SLCO5A1: variants seen among roughly 807,000 people sequenced by gnomAD.
SLCO5A1 encodes the protein organic anion transporter polypeptide-related protein 4.
SLCO5A1 carries 39 observed loss-of-function variants against 65.1 expected under a neutral mutation model. The observed-to-expected ratio is 0.60, with a 90% CI of 0.46 to 0.78. The LOEUF is 0.78. Among genes scored for constraint, SLCO5A1 ranks in the 30% least tolerant of loss-of-function variants. The pLI is 0.00. For missense variants in SLCO5A1, 1,029 were observed against 1,069.4 expected, an observed-to-expected ratio of 0.96 and a Z score of 0.53; for synonymous variants, 438 against 415.7, an observed-to-expected ratio of 1.05 and a Z score of -0.65.
chr8:69,765,301 T>C (rs1479737760), intron 2 of SLCO5A1, among the ~76,000 whole-genome samples: 1 of 151,980 alleles, frequency 6.6e-6, no homozygotes, highest in East Asian at 1.9e-4. Context: ...TATATTGCAA[T>C]TATATATGTA....
chr8:69,774,133 T>C (rs1459356832), intron 2 of SLCO5A1, among the ~76,000 whole-genome samples: 2 of 152,222 alleles, frequency 1.3e-5, no homozygotes, highest in Non-Finnish European at 2.9e-5. Context: ...TAAGCCTTTA[T>C]TGAATGGAGA....
chr8:69,691,599 T>G (rs1814263457), intron 6 of SLCO5A1, among the ~76,000 whole-genome samples: 2 of 152,228 alleles, frequency 1.3e-5, no homozygotes, highest in Non-Finnish European at 2.9e-5. Context: ...TGTGACCAGC[T>G]TTTTTCACTC....
chr8:69,766,572 T>TGGCCACAC (rs1420296440), intron 2 of SLCO5A1, among the ~76,000 whole-genome samples: 1 of 152,150 alleles, frequency 6.6e-6, no homozygotes, highest in Non-Finnish European at 1.5e-5. Flanking sequence ...TTCTGCCACA[T>TGGCCACAC]GGCCACACGG....
intron 5 of SLCO5A1, among the ~76,000 whole-genome samples, chr8:69,715,877 G>T (rs1815501672): frequency 6.6e-6 from 1 of 152,032 alleles, no homozygotes; most frequent in Admixed American, 6.5e-5. Flanking sequence ...ACAGTTTAAT[G>T]TTTTTAGTAT....
intron 6 of SLCO5A1, among the ~76,000 whole-genome samples, chr8:69,689,817 T>G (rs1814166166): frequency 6.6e-6 from 1 of 151,940 alleles, no homozygotes; most frequent in Non-Finnish European, 1.5e-5. Context: ...GACTTGGTGA[T>G]GCGGGCTCTT....
intron 2 of SLCO5A1, among the ~76,000 whole-genome samples, chr8:69,826,832 A>G (rs1419114509): frequency 3.9e-5 from 6 of 152,160 alleles, no homozygotes; most frequent in African/African-American, 1.4e-4. Flanking sequence ...ATGCTGCTAT[A>G]AAGACACATG....
intron 2 of SLCO5A1, among the ~76,000 whole-genome samples, chr8:69,799,152 G>T (rs576717953): frequency 6.6e-6 from 1 of 152,164 alleles, no homozygotes; most frequent in African/African-American, 2.4e-5. Flanking sequence ...ATAATAACCT[G>T]TTTCAAGTCT....
chr8:69,773,319 A>G (rs949073510), intron 2 of SLCO5A1, among the ~76,000 whole-genome samples: 2 of 152,282 alleles, frequency 1.3e-5, no homozygotes, highest in Admixed American at 1.3e-4. Flanking sequence ...GTTGTTTCCC[A>G]GATGGCAGTA....
At chr8:69,715,008 A>G (rs1342108941) in intron 5 of SLCO5A1, 1 of 152,232 alleles carries the variant, frequency 6.6e-6, no homozygotes, top group Non-Finnish European at 1.5e-5. Context: ...AATAATGCAT[A>G]AAAGAGAATG....
rs114391176 is a variant in SLCO5A1, at chr8:69,807,257, C to T, written c.907+24510G>A. Among the ~76,000 whole-genome samples the T allele has an allele frequency of 9.3e-3, 1,408 of 152,100 alleles. 18 individuals carry two copies. The highest frequency in any genetic ancestry group is 0.031 in the African/African-American group (1,287 of 41,482). On this transcript the variant is annotated intron_variant, in intron 2 of 9. Transcript: ENST00000260126. ...TAATAATTGTATACATGTATGGGTACAATGTGATGTTTCAATGGATGTACA... is the reference window on the plus strand; with the variant it reads ...TAATAATTGTATACATGTATGGGTATAATGTGATGTTTCAATGGATGTACA...
At chr8:69,684,001 T>A (rs1414485322) in intron 6 of SLCO5A1, among the ~76,000 whole-genome samples, 1 of 152,222 alleles carries the variant, frequency 6.6e-6, no homozygotes, top group Non-Finnish European at 1.5e-5. Flanking sequence ...CCTTAAATTT[T>A]AATGGGGGAA....
chr8:69,741,401 T>A (rs1252701864), intron 4 of SLCO5A1, among the ~76,000 whole-genome samples: 1 of 152,218 alleles, frequency 6.6e-6, no homozygotes, highest in Non-Finnish European at 1.5e-5. Flanking sequence ...TATGTTGTAA[T>A]AGGAACCCAA....
intron 3 of SLCO5A1, among the ~76,000 whole-genome samples, chr8:69,757,645 C>T (rs1817588110): frequency 1.3e-5 from 2 of 152,184 alleles, no homozygotes; most frequent in African/African-American, 4.8e-5. Context: ...TGCCACTGCA[C>T]TCTAGCTTGG....
intron 5 of SLCO5A1, among the ~76,000 whole-genome samples, chr8:69,718,672 T>G (rs1366663948): frequency 6.6e-6 from 1 of 152,216 alleles, no homozygotes; most frequent in Non-Finnish European, 1.5e-5. Flanking sequence ...ATATGTAATT[T>G]TTAAAGTATA....
intron 2 of SLCO5A1, among the ~76,000 whole-genome samples, chr8:69,792,045 T>A (rs1819292427): frequency 6.6e-6 from 1 of 152,228 alleles, no homozygotes; most frequent in Non-Finnish European, 1.5e-5. Context: ...CATCTGCCAA[T>A]ATCCTAGCTA....
rs1303017029 is a variant in SLCO5A1, at chr8:69,673,278, C to T, written c.2138G>A (p.Cys713Tyr). ...ACCACATTCCTGTTGCCAGAGCATG[C>T]AGGTGGTGTCAATGACTGCTCCAAA... ...IYFGAVIDTT[C>Y]MLWQQECGVQ... is the part of the protein sequence containing the mutation. Residue 713 changes from cysteine to tyrosine, a missense_variant, in exon 10 of 10, where the codon TGC (cysteine) becomes TAC (tyrosine). This residue lies in a region of SLCO5A1 where 258 missense variants were observed against 237.4 expected (regional missense o/e 1.09). Coordinates refer to ENST00000260126, the MANE Select transcript of SLCO5A1 (RefSeq NM_030958.3). 6.2e-7 allele frequency: 1 copy of T among 1,614,092 alleles called. No homozygotes were observed. The highest frequency in any genetic ancestry group is 8.5e-7 in the Non-Finnish European group (1 of 1,180,052).
At chr8:69,757,260 A>C (rs1210249462) in intron 3 of SLCO5A1, among the ~76,000 whole-genome samples, 1 of 152,182 alleles carries the variant, frequency 6.6e-6, no homozygotes, top group Non-Finnish European at 1.5e-5. Context: ...ACTTCCAGCA[A>C]TCTCAGTTAT....
At chr8:69,746,504 T>A (rs913622176) in intron 4 of SLCO5A1, among the ~76,000 whole-genome samples, 4 of 152,144 alleles carry the variant, frequency 2.6e-5, no homozygotes, top group Non-Finnish European at 5.9e-5. Flanking sequence ...AAGGTCATAG[T>A]TATATAAAAG....
intron 3 of SLCO5A1, among the ~76,000 whole-genome samples, chr8:69,760,902 G>A (rs1353134158): frequency 1.3e-5 from 2 of 152,168 alleles, no homozygotes; most frequent in Non-Finnish European, 2.9e-5. Context: ...TAGCACACAT[G>A]AGGAAACAAA....
Sources: allele counts gnomAD v4.1 joint callset (sites outside exome capture counted in the v4.1 genomes callset), GRCh38; gene constraint gnomAD v4.1.1; regional missense constraint gnomAD v4.1.1; transcripts MANE v1.5; gene names NCBI Gene and HGNC (gene_info 2026-07-23, HGNC 2026-07-21).